ZFAND6: variants seen among roughly 807,000 people sequenced by gnomAD.
The protein encoded by ZFAND6 is AN1-type zinc finger protein 6.
A neutral mutation model predicts 24.5 loss-of-function variants in ZFAND6; 12 were observed. The ratio of observed to expected loss-of-function variants is 0.49; its 90% confidence interval spans 0.31 to 0.79. The LOEUF (loss-of-function observed/expected upper bound fraction) is 0.79, where lower values mean the gene tolerates loss of function less well. Ranked by LOEUF, ZFAND6 falls within the 30% of genes least tolerant of loss-of-function variation. The probability of loss-of-function intolerance (pLI) is 0.04; values close to 1 mark genes in which losing one functional copy is unlikely to be tolerated. For missense variants in ZFAND6, 207 were observed against 245.9 expected (o/e 0.84, Z 1.06); for synonymous variants, 92 against 81.5 (o/e 1.13, Z -0.69).
chr15:80,097,589 C>T (rs2038799885), intron 1 of ZFAND6, among the ~76,000 whole-genome samples: 1 of 152,094 alleles, frequency 6.6e-6, no homozygotes, highest in African/African-American at 2.4e-5. Context: ...GCAGAGGTTG[C>T]AGTGAGCCAA....
intron 5 of ZFAND6, 39 bp from the exon 6 acceptor site, chr15:80,131,141 C>A: frequency 1.4e-6 from 2 of 1,476,500 alleles, no homozygotes; most frequent in Non-Finnish European, 1.8e-6. Flanking sequence ...CAAAATCTTA[C>A]AGAATAATTA....
intron 2 of ZFAND6, among the ~76,000 whole-genome samples, chr15:80,101,791 G>GTTTTTTT (rs750632508): frequency 1.6e-5 from 2 of 123,108 alleles, no homozygotes; most frequent in African/African-American, 6.2e-5. Flanking sequence ...TATGTAAAGT[G>GTTTTTTT]TTTTTTTTTT....
intron 2 of ZFAND6, among the ~76,000 whole-genome samples, chr15:80,119,698 A>C (rs1402106123): frequency 1.3e-5 from 2 of 152,172 alleles, no homozygotes; most frequent in African/African-American, 4.8e-5. Flanking sequence ...TACTCTAGTC[A>C]TTTTGTTGAA....
intron 1 of ZFAND6, among the ~76,000 whole-genome samples, chr15:80,069,049 T>G (rs2036825702): frequency 1.3e-5 from 2 of 152,254 alleles, no homozygotes. Context: ...TTAAAATGGT[T>G]GAGAAAAGCT....
chr15:80,078,119 C>T lies in ZFAND6; in HGVS notation c.-181+18310C>T, dbSNP rs567685667. ...GTAGGTTTGTTACATGGGTAAATTG[C>T]ATGTCACTGTGGTTTGATGTACAAA... On this transcript the variant is annotated intron_variant, in intron 1 of 6. Transcript: ENST00000261749. 2.6e-5 allele frequency among the ~76,000 whole-genome samples: 4 copies of T among 152,272 alleles called. No individual in the cohort carries two copies. In the East Asian group the frequency reaches 5.8e-4, roughly 22 times the overall value.
intron 2 of ZFAND6, among the ~76,000 whole-genome samples, chr15:80,111,122 G>A (rs941298049): frequency 1.3e-4 from 20 of 152,184 alleles, no homozygotes; most frequent in Admixed American, 1.3e-3. Context: ...GATATATTTA[G>A]CTTGGTGTTC....
At chr15:80,069,201 T>C (rs1195278048) in intron 1 of ZFAND6, among the ~76,000 whole-genome samples, 1 of 152,220 alleles carries the variant, frequency 6.6e-6, no homozygotes, top group Non-Finnish European at 1.5e-5. Context: ...TCTAGCACTT[T>C]TTCTTAGATG....
intron 5 of ZFAND6, chr15:80,130,963 TATC>T (rs1411692814): frequency 4.8e-6 from 2 of 416,454 alleles, no homozygotes; most frequent in East Asian, 3.4e-5. Flanking sequence ...ACTGTTAACA[TATC>T]ATTACATATT....
intron 1 of ZFAND6, chr15:80,073,236 CTTCA>C (rs1188556094): frequency 1.2e-5 from 3 of 256,524 alleles, no homozygotes; most frequent in Non-Finnish European, 2.4e-5. Flanking sequence ...TTTCTTCTTA[CTTCA>C]TTCAAACTCT....
intron 1 of ZFAND6, among the ~76,000 whole-genome samples, chr15:80,079,518 C>A (rs968607349): frequency 6.6e-6 from 1 of 151,846 alleles, no homozygotes; most frequent in Non-Finnish European, 1.5e-5. Context: ...CCGCACCCGG[C>A]CTACTCTGTT....
At chr15:80,066,600 A>C (rs35354136) in intron 1 of ZFAND6, among the ~76,000 whole-genome samples, 3 of 152,038 alleles carry the variant, frequency 2.0e-5, no homozygotes, top group African/African-American at 7.2e-5. Context: ...GGCGTGAGCC[A>C]CCACGCCCAG....
rs1555430411 is a variant in ZFAND6, at chr15:80,091,160, G to GTGTGTGTGTGT, written c.-180-7256_-180-7255insTGTGTGTGTGT. On this transcript the variant is annotated intron_variant, in intron 1 of 6. Transcript: ENST00000261749. ...CATATTTTCTATTTAGTTGTTAAGG[G>GTGTGTGTGTGT]GTGTGTGTGTGTGTGTGTGTGTGTG... is the stretch of plus-strand genomic sequence containing the variant. Among the ~76,000 whole-genome samples, 238 of 150,274 alleles carry GTGTGTGTGTGT rather than the reference G, an allele frequency of 1.6e-3. 2 individuals carry two copies. The highest frequency in any genetic ancestry group is 5.4e-3 in the African/African-American group (223 of 40,944).
intron 1 of ZFAND6, among the ~76,000 whole-genome samples, chr15:80,087,391 C>T (rs1596231479): frequency 6.6e-6 from 1 of 152,266 alleles, no homozygotes; most frequent in African/African-American, 2.4e-5. Context: ...GATTAATTTG[C>T]ATTTCCTAAA....
At chr15:80,105,545 G>A (rs1012439245) in intron 2 of ZFAND6, among the ~76,000 whole-genome samples, 8 of 152,014 alleles carry the variant, frequency 5.3e-5, no homozygotes, top group Non-Finnish European at 1.5e-5. Context: ...TGCAACTTAC[G>A]GGTTAAAGTA....
intron 2 of ZFAND6, chr15:80,112,683 C>G: frequency 4.5e-6 from 2 of 440,982 alleles, no homozygotes; most frequent in Non-Finnish European, 9.1e-6. Context: ...GGCGTGAGCC[C>G]CTGCACCTGG....
intron 2 of ZFAND6, among the ~76,000 whole-genome samples, chr15:80,117,119 C>T (rs1022903021): frequency 2.0e-5 from 3 of 152,146 alleles, no homozygotes; most frequent in African/African-American, 7.2e-5. Flanking sequence ...ATTGGAGATG[C>T]TTGTCAAGGT....
At chr15:80,066,105 T>C (rs921384053) in intron 1 of ZFAND6, among the ~76,000 whole-genome samples, 2 of 152,124 alleles carry the variant, frequency 1.3e-5, no homozygotes, top group African/African-American at 4.8e-5. Flanking sequence ...CAAGACAAGG[T>C]CTCTTGCCTT....
intron 5 of ZFAND6, among the ~76,000 whole-genome samples, chr15:80,125,459 A>G (rs141849036): frequency 4.3e-3 from 650 of 152,342 alleles, no homozygotes; most frequent in Non-Finnish European, 5.8e-3. Context: ...CTTTTTCTCT[A>G]CATGTATTCT....
intron 2 of ZFAND6, among the ~76,000 whole-genome samples, chr15:80,108,649 T>G (rs1174018534): frequency 3.9e-5 from 6 of 152,196 alleles, no homozygotes; most frequent in African/African-American, 7.2e-5. Flanking sequence ...ATTAGTCACA[T>G]TGCTAAATGA....
Sources: allele counts gnomAD v4.1 joint callset (sites outside exome capture counted in the v4.1 genomes callset), GRCh38; gene constraint gnomAD v4.1.1; transcripts MANE v1.5; gene names NCBI Gene and HGNC (gene_info 2026-07-23, HGNC 2026-07-21).